HMGB1: variants seen among roughly 807,000 people sequenced by gnomAD.
HMGB1 encodes the protein high mobility group box 1.
For synonymous variants in HMGB1, 81 were observed against 84.0 expected, an observed-to-expected ratio of 0.96 and a Z score of 0.19; for missense variants, 79 against 253.5, an observed-to-expected ratio of 0.31 and a Z score of 4.67.
chr13:30,509,246 C>CTTTTTTTTTTTTTTTTT (rs577983392), intron 1 of HMGB1, among the ~76,000 whole-genome samples: 1 of 142,998 alleles, frequency 7.0e-6, no homozygotes. Flanking sequence ...CACCAATATT[C>CTTTTTTTTTTTTTTTTT]TTTTTTTTTT....
chr13:30,490,796 C>T (rs1887472838), intron 1 of HMGB1, among the ~76,000 whole-genome samples: 1 of 151,740 alleles, frequency 6.6e-6, no homozygotes, highest in African/African-American at 2.4e-5. Flanking sequence ...AAAAAAAAAT[C>T]AGGAAATGAT....
chr13:30,558,401 C>A (rs536494018), intron 1 of HMGB1, among the ~76,000 whole-genome samples: 12 of 152,300 alleles, frequency 7.9e-5, no homozygotes, highest in Admixed American at 7.8e-4. Flanking sequence ...TCTTACATCT[C>A]ATTCTTAGCC....
At chr13:30,558,958 A>C (rs1323387853) in intron 1 of HMGB1, among the ~76,000 whole-genome samples, 2 of 152,204 alleles carry the variant, frequency 1.3e-5, no homozygotes, top group African/African-American at 2.4e-5. Context: ...GAGGGCAAGG[A>C]CCAAACTTGT....
intron 1 of HMGB1, among the ~76,000 whole-genome samples, chr13:30,560,943 T>TG: frequency 6.7e-6 from 1 of 148,896 alleles, no homozygotes; most frequent in East Asian, 2.0e-4. Context: ...TTATATATGT[T>TG]TTTTTTTTTT....
chr13:30,575,975 T>G (rs1870637968), intron 1 of HMGB1, among the ~76,000 whole-genome samples: 1 of 152,162 alleles, frequency 6.6e-6, no homozygotes, highest in African/African-American at 2.4e-5. Context: ...CCACTGTGAA[T>G]ATGGTAAGGA....
At chr13:30,571,166 T>C (rs1021016648) in intron 1 of HMGB1, among the ~76,000 whole-genome samples, 1 of 152,146 alleles carries the variant, frequency 6.6e-6, no homozygotes, top group Non-Finnish European at 1.5e-5. Context: ...GTGATATATA[T>C]AGTCATTTTA....
rs368606244 is a variant in HMGB1 at position 30,559,383 on chromosome 13, G to A, written c.-15+57288C>T. 2.8e-4 allele frequency among the ~76,000 whole-genome samples: 42 copies of A among 152,262 alleles called. No individual in the cohort carries two copies. The highest frequency in any genetic ancestry group is 5.8e-4 in the African/African-American group (24 of 41,566). On this transcript the variant is annotated intron_variant, in intron 1 of 4. Coordinates refer to the HMGB1 transcript ENST00000405805. The surrounding 1 kb of genome is among the most constrained non-coding windows in gnomAD (Gnocchi z 6.6). ...ACTCCCAATCCCGGTAAGATGGCCC[G>A]AGTTTCATTGCTGGTTTACTAGTTT...
chr13:30,464,923 C>T (rs1886658445), intron 1 of HMGB1: 1 of 143,818 alleles, frequency 7.0e-6, no homozygotes, highest in African/African-American at 2.6e-5. Context: ...CCCTCCCCTC[C>T]GCGCCGCTCC....
Position 30,475,745 on chromosome 13 carries a change from C to G in HMGB1, c.-14-12051G>C, listed in dbSNP as rs533705932. On this transcript the variant is annotated intron_variant, in intron 1 of 4. Transcript: ENST00000405805. ...ACCCAGAAAACAGTAGAAATCTTCA[C>G]AATAAAAAATCCAGATATTTGGCTT... is the stretch of plus-strand genomic sequence containing the variant. Among the ~76,000 whole-genome samples the G allele has an allele frequency of 2.0e-5, 3 of 152,230 alleles. No individual in the cohort carries two copies. The South Asian group carries it at 6.2e-4, about 32-fold the overall frequency.
intron 1 of HMGB1, among the ~76,000 whole-genome samples, chr13:30,485,377 A>G (rs1887342040): frequency 6.6e-6 from 1 of 152,146 alleles, no homozygotes. Context: ...CCTAACTCCC[A>G]CTTATAACAT....
intron 1 of HMGB1, among the ~76,000 whole-genome samples, chr13:30,602,957 C>T (rs760647379): frequency 2.0e-5 from 3 of 152,150 alleles, no homozygotes; most frequent in Non-Finnish European, 4.4e-5. Context: ...GCACATGCCA[C>T]CACGTCCAGC....
At chr13:30,510,101 T>A (rs953202772) in intron 1 of HMGB1, among the ~76,000 whole-genome samples, 3 of 152,188 alleles carry the variant, frequency 2.0e-5, no homozygotes, top group African/African-American at 7.2e-5. Flanking sequence ...TCCCGTACTC[T>A]TCCTCCACCA....
Position 30,461,549 on chromosome 13 carries a change from G to C in HMGB1, c.472-16C>G, listed in dbSNP as rs374624058. On this transcript the variant is annotated splice_polypyrimidine_tract_variant and intron_variant, in intron 4 of 4. Coordinates refer to ENST00000341423, the MANE Select transcript of HMGB1 (RefSeq NM_002128.7). ...CAGCAATATCCTTCCAAAGCAAAGG[G>C]AGGATAAAACAGTAGGGAAGAAAAA... 8.2e-6 allele frequency: 13 copies of C among 1,578,660 alleles called. No individual in the cohort carries two copies. The highest frequency in any genetic ancestry group is 1.1e-5 in the Non-Finnish European group (13 of 1,159,394).
intron 1 of HMGB1, among the ~76,000 whole-genome samples, chr13:30,537,123 C>T (rs188520863): frequency 6.6e-6 from 1 of 152,174 alleles, no homozygotes; most frequent in African/African-American, 2.4e-5. Flanking sequence ...AGTTGATTGA[C>T]AGTTTGGACA....
chr13:30,558,612 C>A (rs1869794543), intron 1 of HMGB1, among the ~76,000 whole-genome samples: 1 of 152,118 alleles, frequency 6.6e-6, no homozygotes, highest in South Asian at 2.1e-4. Flanking sequence ...TAGTGAAACA[C>A]CAAGTCTGTC....
At chr13:30,513,204 C>T (rs1025905960) in intron 1 of HMGB1, among the ~76,000 whole-genome samples, 27 of 151,994 alleles carry the variant, frequency 1.8e-4, no homozygotes, top group Non-Finnish European at 3.5e-4. Flanking sequence ...ACCCAAAAAA[C>T]CCCACATGAC....
At chr13:30,556,519 A>G (rs1869698433) in intron 1 of HMGB1, among the ~76,000 whole-genome samples, 1 of 152,232 alleles carries the variant, frequency 6.6e-6, no homozygotes, top group African/African-American at 2.4e-5. Context: ...GGTGTCCAAC[A>G]ACAGATGAAT....
chr13:30,499,293 T>G (rs1035308984), intron 1 of HMGB1, among the ~76,000 whole-genome samples: 1 of 152,188 alleles, frequency 6.6e-6, no homozygotes, highest in Non-Finnish European at 1.5e-5. Context: ...GCCCCGAAGA[T>G]GGGTTCAGAA....
At chr13:30,468,128 A>C (rs182828525), upstream of HMGB1, among the ~76,000 whole-genome samples, 136 of 152,332 alleles carry the variant, frequency 8.9e-4, no homozygotes, top group Non-Finnish European at 1.6e-3. Context: ...TTAATGTTTA[A>C]AATTATATAG....
Sources: allele counts gnomAD v4.1 joint callset (sites outside exome capture counted in the v4.1 genomes callset), GRCh38; gene constraint gnomAD v4.1.1; non-coding constraint Gnocchi (gnomAD v3.1); transcripts MANE v1.5; gene names NCBI Gene and HGNC (gene_info 2026-07-23, HGNC 2026-07-21).